Variants in LRRC4C observed in about 807,000 individuals in gnomAD.
LRRC4C encodes leucine-rich repeat-containing protein 4C.
A neutral mutation model predicts 33.6 loss-of-function variants in LRRC4C; 5 were observed. That is an observed-to-expected ratio of 0.15 (90% CI 0.08 to 0.31). LRRC4C has a LOEUF of 0.31. LRRC4C is among the 10% of genes least tolerant of loss of function. LRRC4C has a pLI of 1.00. For synonymous variants in LRRC4C, 329 were observed against 302.0 expected (o/e 1.09, Z -0.93); for missense variants, 560 against 796.7 (o/e 0.70, Z 3.58).
intron 6 of LRRC4C, among the ~76,000 whole-genome samples, chr11:40,136,498 G>A (rs1397056874): frequency 6.7e-6 from 1 of 148,882 alleles, no homozygotes; most frequent in Non-Finnish European, 1.5e-5. Context: ...GGAGGGTCTC[G>A]ATCTCCTGAC....
chr11:40,772,459 A>G (rs1231253876), intron 2 of LRRC4C, among the ~76,000 whole-genome samples: 2 of 152,228 alleles, frequency 1.3e-5, no homozygotes, highest in Non-Finnish European at 2.9e-5. Context: ...ACAACAGAGT[A>G]AGAAGCAGAA....
chr11:40,147,581 A>C (rs181190635), intron 5 of LRRC4C, among the ~76,000 whole-genome samples: 1 of 152,110 alleles, frequency 6.6e-6, no homozygotes, highest in Non-Finnish European at 1.5e-5. Context: ...TCTGCAATGA[A>C]TCAGACAGTG....
chr11:40,654,827 G>A (rs553035309), intron 2 of LRRC4C, among the ~76,000 whole-genome samples: 8 of 152,220 alleles, frequency 5.3e-5, no homozygotes, highest in Admixed American at 4.6e-4. Flanking sequence ...TAATACCCAC[G>A]TGTCAAAGAC....
intron 1 of LRRC4C, among the ~76,000 whole-genome samples, chr11:41,321,925 C>T (rs938668709): frequency 9.9e-5 from 15 of 151,910 alleles, no homozygotes; most frequent in Admixed American, 3.3e-4. Flanking sequence ...AGTGCAATGG[C>T]GTGATCTCAG....
intron 1 of LRRC4C, among the ~76,000 whole-genome samples, chr11:41,101,387 G>T (rs368834688): frequency 1.3e-5 from 2 of 151,998 alleles, no homozygotes; most frequent in African/African-American, 4.8e-5. Context: ...GGCAACAAGC[G>T]TATGAAAAAA....
chr11:41,099,369 G>A (rs1179919924), intron 1 of LRRC4C, among the ~76,000 whole-genome samples: 1 of 148,920 alleles, frequency 6.7e-6, no homozygotes, highest in African/African-American at 2.5e-5. Flanking sequence ...CCAAAACCTG[G>A]CAGAGACATA....
At chr11:41,081,429 T>G (rs1490383990) in intron 1 of LRRC4C, among the ~76,000 whole-genome samples, 2 of 152,218 alleles carry the variant, frequency 1.3e-5, no homozygotes, top group East Asian at 3.9e-4. Flanking sequence ...AGTCTTCACC[T>G]CATACCAGCC....
At position 40,746,655 on chromosome 11, in the gene LRRC4C, T is replaced by C. The variant is rs1199618603; in HGVS notation, c.-406-98377A>G. ...CCATCAGAGGACCTGAGTAAAAGCC[T>C]AAATGACCAGGCTATGTATGCTCCA... On this transcript the variant is annotated intron_variant, in intron 2 of 6. Transcript: ENST00000528697. 3.3e-5 allele frequency among the ~76,000 whole-genome samples: 5 copies of C among 152,126 alleles called. No homozygotes were observed. In the East Asian group the frequency reaches 9.7e-4, roughly 29 times the overall value.
chr11:40,812,819 G>C (rs947613808), intron 2 of LRRC4C, among the ~76,000 whole-genome samples: 1 of 151,858 alleles, frequency 6.6e-6, no homozygotes, highest in African/African-American at 2.4e-5. Flanking sequence ...AGAAACCTTC[G>C]GTTACCTATT....
intron 3 of LRRC4C, among the ~76,000 whole-genome samples, chr11:40,325,459 C>T (rs1329901667): frequency 6.6e-6 from 1 of 151,832 alleles, no homozygotes; most frequent in Non-Finnish European, 1.5e-5. Context: ...TAGCGAGGCC[C>T]CATCTCTAAA....
intron 1 of LRRC4C, among the ~76,000 whole-genome samples, chr11:41,388,864 T>A (rs1953467597): frequency 1.3e-5 from 2 of 151,926 alleles, no homozygotes; most frequent in South Asian, 4.1e-4. Context: ...CAACCTGTCT[T>A]TGCATCCACA....
At chr11:41,356,626 C>A (rs998292782) in intron 1 of LRRC4C, among the ~76,000 whole-genome samples, 1 of 152,094 alleles carries the variant, frequency 6.6e-6, no homozygotes, top group Non-Finnish European at 1.5e-5. Context: ...TTCAACTTGA[C>A]CTCCTAGAGA....
chr11:41,310,473 A>G (rs946711476), intron 1 of LRRC4C, among the ~76,000 whole-genome samples: 1 of 152,230 alleles, frequency 6.6e-6, no homozygotes, highest in African/African-American at 2.4e-5. Context: ...ATCTGGATCA[A>G]CTTTTCTAAT....
At position 41,359,360 on chromosome 11, in the gene LRRC4C, G is replaced by A. The variant is rs144484921; in HGVS notation, c.-496+100071C>T. 4.6e-5 allele frequency among the ~76,000 whole-genome samples: 7 copies of A among 152,204 alleles called. No individual in the cohort carries two copies. The East Asian group carries it at 7.8e-4, about 17-fold the overall frequency. On this transcript the variant is annotated intron_variant, in intron 1 of 6. Coordinates refer to ENST00000528697, the MANE Select transcript of LRRC4C (RefSeq NM_001258419.2). ...ACTATGCGCTTTAGGTGATAATGATGTTTCAATGTAGGATAATCAACTGTA... is the reference window on the plus strand; with the variant it reads ...ACTATGCGCTTTAGGTGATAATGATATTTCAATGTAGGATAATCAACTGTA...
At chr11:40,430,112 T>G (rs1740936986) in intron 3 of LRRC4C, among the ~76,000 whole-genome samples, 1 of 152,186 alleles carries the variant, frequency 6.6e-6, no homozygotes, top group Admixed American at 6.5e-5. Context: ...CAATTCCAGC[T>G]GTGCTTTTAT....
In LRRC4C at chr11:40,858,666, C is replaced by G. The variant is rs536274250; in HGVS notation, c.-407+74969G>C. Among the ~76,000 whole-genome samples the G allele has an allele frequency of 3.5e-5, 5 of 141,982 alleles. No individual in the cohort carries two copies. In the East Asian group the frequency reaches 1.0e-3, roughly 29 times the overall value. 93.1% of individuals were successfully genotyped at this position (141,982 alleles called of 152,430 possible). ...CCAAGATCGTGACACTGCACTCCAG[C>G]CTGGTAACAGAGTGAGACTCCTTCT... is the stretch of plus-strand genomic sequence containing the variant. On this transcript the variant is annotated intron_variant, in intron 2 of 6. Coordinates refer to ENST00000528697, the MANE Select transcript of LRRC4C (RefSeq NM_001258419.2).
At chr11:41,104,844 A>G (rs1338310777) in intron 1 of LRRC4C, among the ~76,000 whole-genome samples, 2 of 152,022 alleles carry the variant, frequency 1.3e-5, no homozygotes, top group African/African-American at 4.8e-5. Context: ...TAAAAAGGTC[A>G]TAAATTATAT....
At chr11:41,406,445 G>A (rs547121456) in intron 1 of LRRC4C, among the ~76,000 whole-genome samples, 20 of 152,064 alleles carry the variant, frequency 1.3e-4, no homozygotes, top group African/African-American at 4.6e-4. Flanking sequence ...CTTCATCATT[G>A]CGTGGGTATC....
intron 2 of LRRC4C, among the ~76,000 whole-genome samples, chr11:40,733,487 G>A (rs1276150232): frequency 3.3e-5 from 5 of 152,006 alleles, no homozygotes; most frequent in African/African-American, 1.2e-4. Context: ...AAATTGATTT[G>A]GGATCCAGAT....
Sources: allele counts gnomAD v4.1 joint callset (sites outside exome capture counted in the v4.1 genomes callset), GRCh38; gene constraint gnomAD v4.1.1; transcripts MANE v1.5; gene names NCBI Gene and HGNC (gene_info 2026-07-23, HGNC 2026-07-21).